The following DYNC1I1 variants were observed in gnomAD, a reference collection of about 807,000 sequenced individuals.
DYNC1I1 encodes the protein dynein cytoplasmic 1 intermediate chain 1, also known as cytoplasmic dynein 1 intermediate chain 1.
DYNC1I1 carries 43 observed loss-of-function variants against 86.6 expected under a neutral mutation model. That is an observed-to-expected ratio of 0.50 (90% CI 0.39 to 0.64). The LOEUF (loss-of-function observed/expected upper bound fraction) is 0.64. Ranked by LOEUF, DYNC1I1 falls within the 30% of genes least tolerant of loss-of-function variation. The pLI is 0.00. For synonymous variants in DYNC1I1, 262 were observed against 283.7 expected, an observed-to-expected ratio of 0.92 and a Z score of 0.77; for missense variants, 604 against 788.8, an observed-to-expected ratio of 0.77 and a Z score of 2.81.
intron 6 of DYNC1I1, among the ~76,000 whole-genome samples, chr7:95,884,390 T>G (rs1790537055): frequency 6.6e-6 from 1 of 151,186 alleles, no homozygotes; most frequent in Non-Finnish European, 1.5e-5. Context: ...TGAACCACTA[T>G]GCCTGGCCCT....
At chr7:95,963,907 A>G (rs368226440) in intron 6 of DYNC1I1, among the ~76,000 whole-genome samples, 48 of 152,312 alleles carry the variant, frequency 3.2e-4, no homozygotes, top group African/African-American at 1.1e-3. Context: ...TAACTGGAAA[A>G]TCAGTTTCTT....
chr7:96,005,442 G>A lies in DYNC1I1; in HGVS notation c.969+9369G>A, dbSNP rs567545123. On this transcript the variant is annotated intron_variant, in intron 10 of 16. Transcript: ENST00000447467. ...CTGTGATTTTTCATCTTGGGTGGGC[G>A]CTCTTTGTGAACAGCGATGTTGCAT... 1.2e-4 allele frequency among the ~76,000 whole-genome samples: 18 copies of A among 152,152 alleles called. No individual in the cohort carries two copies. The East Asian group carries it at 3.3e-3, about 28-fold the overall frequency.
intron 14 of DYNC1I1, among the ~76,000 whole-genome samples, chr7:96,043,180 A>AAG (rs1789109494): frequency 6.6e-6 from 1 of 151,548 alleles, no homozygotes; most frequent in African/African-American, 2.4e-5. Flanking sequence ...AAAAAAAAAA[A>AAG]AAAGAAAGAA....
chr7:95,884,081 C>T (rs7797678), intron 6 of DYNC1I1, among the ~76,000 whole-genome samples: 1,676 of 152,306 alleles, frequency 0.011, 12 homozygotes, highest in Middle Eastern at 0.02. Flanking sequence ...GATAGGATAA[C>T]TGCAGGGAAG....
At chr7:96,062,336 G>T (rs1427357922) in intron 14 of DYNC1I1, among the ~76,000 whole-genome samples, 2 of 152,144 alleles carry the variant, frequency 1.3e-5, no homozygotes, top group South Asian at 2.1e-4. Context: ...ACATGTTTTG[G>T]TTGTTTGCTA....
At chr7:95,871,846 G>A (rs1790179020) in intron 6 of DYNC1I1, among the ~76,000 whole-genome samples, 1 of 152,200 alleles carries the variant, frequency 6.6e-6, no homozygotes, top group African/African-American at 2.4e-5. Flanking sequence ...AGTTCTTTCT[G>A]TTTTGTTCAC....
chr7:96,073,283 A>G (rs1429932667), intron 14 of DYNC1I1, among the ~76,000 whole-genome samples: 1 of 152,234 alleles, frequency 6.6e-6, no homozygotes, highest in Admixed American at 6.5e-5. Context: ...AAGGCTAGAG[A>G]GCAATAGCAT....
intron 5 of DYNC1I1, among the ~76,000 whole-genome samples, chr7:95,836,606 A>G: frequency 6.6e-6 from 1 of 152,092 alleles, no homozygotes; most frequent in Middle Eastern, 3.2e-3. Context: ...CAGGTACACC[A>G]GTCAGACGTA....
At chr7:95,998,230 A>G (rs1252024230) in intron 10 of DYNC1I1, among the ~76,000 whole-genome samples, 1 of 152,262 alleles carries the variant, frequency 6.6e-6, no homozygotes, top group Non-Finnish European at 1.5e-5. Flanking sequence ...AGTAGAGCCA[A>G]TCCTGGAACT....
At chr7:95,796,332 G>A (rs78629161) in intron 1 of DYNC1I1, among the ~76,000 whole-genome samples, 12,889 of 151,756 alleles carry the variant, frequency 0.085, 638 homozygotes, top group Non-Finnish European at 0.099. Flanking sequence ...CTTTCTTGAC[G>A]GAGTTTCACT....
intron 5 of DYNC1I1, among the ~76,000 whole-genome samples, chr7:95,853,159 A>G (rs1280556285): frequency 6.6e-6 from 1 of 152,176 alleles, no homozygotes; most frequent in Non-Finnish European, 1.5e-5. Context: ...TTTAGATGCT[A>G]TGGTTTAAAT....
Position 95,869,474 on chromosome 7 carries a change from T to C in DYNC1I1, c.375-409T>C, listed in dbSNP as rs1237651848. Among the ~76,000 whole-genome samples the C allele has an allele frequency of 3.3e-5, 5 of 150,842 alleles. No homozygotes were observed. The East Asian group carries it at 7.9e-4, about 24-fold the overall frequency. On this transcript the variant is annotated intron_variant, in intron 5 of 16. Transcript: ENST00000447467. Reference sequence around the variant, plus strand: ...GTGTTACACCATTAAAGAACCCACCTCTCTTTTTTTTTTTCAAATTTAAGA... The same window carrying C: ...GTGTTACACCATTAAAGAACCCACCCCTCTTTTTTTTTTTCAAATTTAAGA...
At chr7:95,992,206 C>A (rs1185455569) in intron 9 of DYNC1I1, among the ~76,000 whole-genome samples, 1 of 152,088 alleles carries the variant, frequency 6.6e-6, no homozygotes, top group Non-Finnish European at 1.5e-5. Context: ...TAGCACTTGT[C>A]ATGGTCTGCT....
intron 16 of DYNC1I1, among the ~76,000 whole-genome samples, chr7:96,082,530 TA>T (rs1790555553): frequency 6.6e-6 from 1 of 152,208 alleles, no homozygotes; most frequent in Non-Finnish European, 1.5e-5. Context: ...TGTTGTATTC[TA>T]AAAGGACTGA....
chr7:95,798,729 T>C (rs1380589340), intron 1 of DYNC1I1, among the ~76,000 whole-genome samples: 3 of 152,162 alleles, frequency 2.0e-5, no homozygotes, highest in Non-Finnish European at 4.4e-5. Context: ...TAGAGATCTA[T>C]ATTGTTCAAA....
At chr7:95,968,318 A>G (rs569784981) in intron 6 of DYNC1I1, among the ~76,000 whole-genome samples, 5 of 152,290 alleles carry the variant, frequency 3.3e-5, no homozygotes, top group Admixed American at 6.5e-5. Flanking sequence ...TACTAATATT[A>G]GTGGGATGAC....
chr7:95,859,583 C>T (rs927220365), intron 5 of DYNC1I1, among the ~76,000 whole-genome samples: 6 of 152,016 alleles, frequency 3.9e-5, no homozygotes, highest in African/African-American at 9.7e-5. Flanking sequence ...AAGCCTGAGG[C>T]GGCTTCAGCA....
At chr7:95,848,518 A>G (rs979310215) in intron 5 of DYNC1I1, among the ~76,000 whole-genome samples, 4 of 152,128 alleles carry the variant, frequency 2.6e-5, no homozygotes, top group African/African-American at 9.6e-5. Context: ...ATTTCACTTA[A>G]CAAAATGCTC....
intron 10 of DYNC1I1, among the ~76,000 whole-genome samples, chr7:95,998,774 A>T (rs1793935338): frequency 6.6e-6 from 1 of 152,160 alleles, no homozygotes; most frequent in Non-Finnish European, 1.5e-5. Context: ...CATATTTTTT[A>T]AAAGTGTATA....
Sources: allele counts gnomAD v4.1 joint callset (sites outside exome capture counted in the v4.1 genomes callset), GRCh38; gene constraint gnomAD v4.1.1; transcripts MANE v1.5; gene names NCBI Gene and HGNC (gene_info 2026-07-23, HGNC 2026-07-21).